RIMS2: variants seen among roughly 807,000 people sequenced by gnomAD.
RIMS2 encodes regulating synaptic membrane exocytosis 2, also known as regulating synaptic membrane exocytosis protein 2.
In RIMS2, 59 loss-of-function variants were observed where a neutral mutation model predicts 174.4. The ratio of observed to expected loss-of-function variants is 0.34; its 90% CI spans 0.27 to 0.42. The LOEUF is 0.42. RIMS2 is among the 10% of genes least tolerant of loss of function. RIMS2 has a pLI of 1.00. For missense variants in RIMS2, 1,620 were observed against 1,666.3 expected (o/e 0.97, Z 0.48); for synonymous variants, 606 against 572.5 (o/e 1.06, Z -0.84).
chr8:104,142,806 A>G (rs2098596452), intron 19 of RIMS2, among the ~76,000 whole-genome samples: 3 of 152,186 alleles, frequency 2.0e-5, no homozygotes, highest in Admixed American at 6.5e-5. Context: ...TGTGGCATAG[A>G]CACACACACA....
chr8:103,893,601 C>T (rs991487140), intron 4 of RIMS2, among the ~76,000 whole-genome samples: 5 of 151,912 alleles, frequency 3.3e-5, no homozygotes, highest in Non-Finnish European at 7.4e-5. Flanking sequence ...TGTTTTTGAA[C>T]TTGGAATGTT....
intron 19 of RIMS2, among the ~76,000 whole-genome samples, chr8:104,235,808 G>A (rs1294616790): frequency 6.6e-6 from 1 of 151,934 alleles, no homozygotes; most frequent in African/African-American, 2.4e-5. Flanking sequence ...ATATATGTAA[G>A]CATAAAATTA....
intron 19 of RIMS2, among the ~76,000 whole-genome samples, chr8:104,142,286 C>A (rs912869892): frequency 8.6e-5 from 13 of 151,904 alleles, no homozygotes; most frequent in Admixed American, 2.0e-4. Flanking sequence ...CGCCACCACA[C>A]CCAGCTAATT....
chr8:104,162,521 A>G (rs1466740502), intron 19 of RIMS2, among the ~76,000 whole-genome samples: 2 of 152,158 alleles, frequency 1.3e-5, no homozygotes, highest in African/African-American at 2.4e-5. Flanking sequence ...TTCATGGTTG[A>G]CAGATAAAGC....
chr8:104,061,785 A>C (rs2096996319), intron 19 of RIMS2, among the ~76,000 whole-genome samples: 1 of 152,002 alleles, frequency 6.6e-6, no homozygotes, highest in African/African-American at 2.4e-5. Context: ...TATTCTATAG[A>C]TATACCATTA....
intron 19 of RIMS2, among the ~76,000 whole-genome samples, chr8:104,207,971 G>A (rs2099088324): frequency 6.6e-6 from 1 of 151,822 alleles, no homozygotes; most frequent in Non-Finnish European, 1.5e-5. Flanking sequence ...ATCTTGCTAT[G>A]GTGCCCCAGC....
chr8:103,904,949 A>G (rs1565222153), intron 4 of RIMS2, among the ~76,000 whole-genome samples: 1 of 151,998 alleles, frequency 6.6e-6, no homozygotes, highest in African/African-American at 2.4e-5. Context: ...GTAATATATT[A>G]CATGTACACA....
At position 104,142,409 on chromosome 8, in the gene RIMS2, G is replaced by A. The variant is rs536028882; in HGVS notation, c.3335-102507G>A. ...CTCCCAAAGTGCTGGGATTACAGAC[G>A]TGAGCCACTGCACCTGGCCCAAAGT... On this transcript the variant is annotated intron_variant, in intron 19 of 23. Transcript: ENST00000504942. Among the ~76,000 whole-genome samples, 38 of 152,208 alleles carry A rather than the reference G, an allele frequency of 2.5e-4. No homozygotes were observed. In the East Asian group the frequency reaches 3.1e-3, roughly 12 times the overall value.
intron 3 of RIMS2, among the ~76,000 whole-genome samples, chr8:103,817,170 G>A (rs1185904472): frequency 6.6e-6 from 1 of 152,068 alleles, no homozygotes; most frequent in African/African-American, 2.4e-5. Flanking sequence ...AGCACCTCAG[G>A]TTGCTTCTGC....
intron 17 of RIMS2, among the ~76,000 whole-genome samples, chr8:104,007,229 G>A (rs2095616840): frequency 6.6e-6 from 1 of 152,048 alleles, no homozygotes; most frequent in South Asian, 2.1e-4. Context: ...GATTTGTAAT[G>A]TTTATCATTC....
chr8:104,102,622 G>T (rs371567955), intron 19 of RIMS2, among the ~76,000 whole-genome samples: 2 of 152,212 alleles, frequency 1.3e-5, no homozygotes, highest in African/African-American at 4.8e-5. Flanking sequence ...TTGACTCATA[G>T]TTCCACATGC....
In RIMS2 at chr8:103,552,242, A is replaced by C. The variant is rs181692822; in HGVS notation, c.176+51180A>C. ...GTAACGAAAACAGCATGGCACTGGT[A>C]CCAAAACAGATATATAGACCAATGG... On this transcript the variant is annotated intron_variant, in intron 1 of 23. Transcript: ENST00000504942. Among the ~76,000 whole-genome samples the C allele has an allele frequency of 1.3e-3, 202 of 152,338 alleles. 2 individuals are homozygous for C. Among genetic ancestry groups the C allele is most frequent in the South Asian group, 0.011 (53 of 4,832 alleles).
chr8:103,510,518 G>T (rs1001819152), intron 1 of RIMS2, among the ~76,000 whole-genome samples: 26 of 152,142 alleles, frequency 1.7e-4, no homozygotes, highest in Non-Finnish European at 5.9e-5. Context: ...GTTGTTGAAA[G>T]AATTACGTTC....
intron 19 of RIMS2, among the ~76,000 whole-genome samples, chr8:104,208,888 C>T (rs1212672889): frequency 6.6e-6 from 1 of 152,046 alleles, no homozygotes; most frequent in Non-Finnish European, 1.5e-5. Context: ...ACAAAGGAAG[C>T]CAAGTACACA....
At chr8:104,036,505 T>C (rs560870209) in intron 19 of RIMS2, among the ~76,000 whole-genome samples, 28 of 152,154 alleles carry the variant, frequency 1.8e-4, no homozygotes, top group Admixed American at 5.2e-4. Context: ...TTTCTGCATT[T>C]AAAAATGTAT....
intron 16 of RIMS2, among the ~76,000 whole-genome samples, chr8:103,984,536 T>A (rs2094194247): frequency 6.6e-6 from 1 of 152,174 alleles, no homozygotes; most frequent in Non-Finnish European, 1.5e-5. Flanking sequence ...ATGGCTTATA[T>A]CCTAAAACAA....
chr8:103,727,746 G>A (rs1413794836), intron 2 of RIMS2, among the ~76,000 whole-genome samples: 1 of 152,146 alleles, frequency 6.6e-6, no homozygotes, highest in East Asian at 1.9e-4. Context: ...TAACTTCACT[G>A]TCGACGTATG....
At chr8:104,253,962 C>T (rs922750582), downstream of RIMS2, 8 of 151,916 alleles carry the variant, frequency 5.3e-5, no homozygotes, top group Admixed American at 2.0e-4. Context: ...GTTAAAAGAA[C>T]GAATAAAACT....
intron 1 of RIMS2, among the ~76,000 whole-genome samples, chr8:103,687,496 C>A (rs1387319007): frequency 6.6e-6 from 1 of 151,898 alleles, no homozygotes; most frequent in Admixed American, 6.6e-5. Context: ...AGCTAATTAC[C>A]ATATGCATTA....
Sources: gnomAD v4.1 joint callset for allele counts (sites outside exome capture counted in the v4.1 genomes callset) on GRCh38, gnomAD v4.1.1 for gene constraint, MANE v1.5 for transcripts, NCBI Gene and HGNC (gene_info 2026-07-23, HGNC 2026-07-21) for gene names.